RGS5: variants seen among roughly 807,000 people sequenced by gnomAD.
RGS5 encodes the protein regulator of G-protein signalling 5.
In RGS5, 20 loss-of-function variants were observed where a neutral mutation model predicts 18.9. The observed-to-expected ratio is 1.06, with a 90% CI of 0.74 to 1.54. RGS5 has a LOEUF of 1.54. Among genes scored for constraint, RGS5 ranks in the 40% most tolerant of loss-of-function variants. The pLI is 0.00. For missense variants in RGS5, 201 were observed against 211.8 expected, an observed-to-expected ratio of 0.95 and a Z score of 0.32; for synonymous variants, 57 against 76.2, an observed-to-expected ratio of 0.75 and a Z score of 1.31.
At chr1:163,233,514 A>G (rs1647537064) in intron 2 of RGS5, among the ~76,000 whole-genome samples, 1 of 152,232 alleles carries the variant, frequency 6.6e-6, no homozygotes, top group Non-Finnish European at 1.5e-5. Flanking sequence ...ACTTAAATCA[A>G]TAATCAGTGT....
At chr1:163,191,012 T>G (rs1256234083) in intron 1 of RGS5, among the ~76,000 whole-genome samples, 1 of 152,178 alleles carries the variant, frequency 6.6e-6, no homozygotes, top group Non-Finnish European at 1.5e-5. Context: ...TATCCCTGTG[T>G]GCTCTCCTGT....
chr1:163,231,452 CAGG>C (rs979116156), intron 2 of RGS5, among the ~76,000 whole-genome samples: 2 of 152,218 alleles, frequency 1.3e-5, no homozygotes, highest in Admixed American at 1.3e-4. Flanking sequence ...AGGAGTAACC[CAGG>C]AGAACCTTAG....
chr1:163,297,648 C>T (rs1250155956), intron 2 of RGS5, among the ~76,000 whole-genome samples: 1 of 152,128 alleles, frequency 6.6e-6, no homozygotes, highest in Non-Finnish European at 1.5e-5. Context: ...ACTCATTTCT[C>T]TGTATCTTCT....
chr1:163,211,041 A>T (rs1029112922), intron 1 of RGS5: 2 of 152,228 alleles, frequency 1.3e-5, no homozygotes, highest in South Asian at 2.1e-4. Context: ...CCAAGAGTAA[A>T]CAGGAGTGAA....
intron 2 of RGS5, among the ~76,000 whole-genome samples, chr1:163,163,242 GT>G (rs780965408): frequency 1.3e-5 from 2 of 152,140 alleles, no homozygotes; most frequent in South Asian, 2.1e-4. Context: ...ACATGCATCG[GT>G]TGTGAGTCCT....
chr1:163,301,624 C>T (rs1004017439), intron 2 of RGS5, among the ~76,000 whole-genome samples: 5 of 152,122 alleles, frequency 3.3e-5, no homozygotes, highest in Non-Finnish European at 5.9e-5. Context: ...TGAGACACCA[C>T]GCCAGGCCCA....
At chr1:163,237,545 C>T (rs902168844) in intron 2 of RGS5, among the ~76,000 whole-genome samples, 1 of 152,046 alleles carries the variant, frequency 6.6e-6, no homozygotes, top group Non-Finnish European at 1.5e-5. Context: ...ATTAACCAGG[C>T]ACGGTGGCGT....
At chr1:163,285,998 G>GCACACACA (rs10683583) in intron 2 of RGS5, among the ~76,000 whole-genome samples, 6 of 135,030 alleles carry the variant, frequency 4.4e-5, no homozygotes, top group African/African-American at 1.4e-4. Context: ...TTTAATTTAT[G>GCACACACA]CACACACACA....
At chr1:163,162,041 CA>C (rs772063807) in intron 2 of RGS5, 65 bp from the exon 3 acceptor site, 17 of 1,039,664 alleles carry the variant, frequency 1.6e-5, no homozygotes, top group Admixed American at 5.1e-5. Context: ...CATGTACCAG[CA>C]ATAACTACTT....
At chr1:163,314,561 AAC>A (rs1264557106) in intron 1 of RGS5, among the ~76,000 whole-genome samples, 1 of 144,430 alleles carries the variant, frequency 6.9e-6, no homozygotes. Context: ...CAACAACAAC[AAC>A]AAAAAAAACC....
intron 1 of RGS5, among the ~76,000 whole-genome samples, chr1:163,180,937 T>TCC (rs924924571): frequency 6.6e-6 from 1 of 151,872 alleles, no homozygotes; most frequent in African/African-American, 2.4e-5. Flanking sequence ...CTCGTGATCC[T>TCC]CCCGCCTCCG....
At chr1:163,299,508 T>A (rs1649503015) in intron 2 of RGS5, among the ~76,000 whole-genome samples, 1 of 152,204 alleles carries the variant, frequency 6.6e-6, no homozygotes, top group Non-Finnish European at 1.5e-5. Context: ...AATGTCTGAA[T>A]CTGAGCTGCC....
chr1:163,274,066 C>T (rs1648788229), intron 2 of RGS5, among the ~76,000 whole-genome samples: 1 of 152,280 alleles, frequency 6.6e-6, no homozygotes. Context: ...AATAAAAATA[C>T]ATTTGGTCTT....
At chr1:163,180,375 C>T (rs1658760942) in intron 1 of RGS5, among the ~76,000 whole-genome samples, 1 of 152,162 alleles carries the variant, frequency 6.6e-6, no homozygotes, top group African/African-American at 2.4e-5. Context: ...CCATTTTCCT[C>T]TTCCTATTGC....
chr1:163,220,687 C>T (rs1571300954), upstream of RGS5, among the ~76,000 whole-genome samples: 1 of 152,188 alleles, frequency 6.6e-6, no homozygotes, highest in South Asian at 2.1e-4. Context: ...AACATGTCAC[C>T]TTTTATGGTA....
chr1:163,257,107 C>T (rs768449276), intron 2 of RGS5, among the ~76,000 whole-genome samples: 1 of 152,102 alleles, frequency 6.6e-6, no homozygotes, highest in Non-Finnish European at 1.5e-5. Flanking sequence ...AGACAGCATC[C>T]TTTTCATCAA....
chr1:163,307,848 T>C (rs1398465853), intron 1 of RGS5, among the ~76,000 whole-genome samples: 2 of 152,206 alleles, frequency 1.3e-5, no homozygotes, highest in Non-Finnish European at 2.9e-5. Context: ...AGCAGCCTTA[T>C]TAGTAACCAT....
intron 1 of RGS5, among the ~76,000 whole-genome samples, chr1:163,216,855 T>A (rs1046145539): frequency 6.6e-6 from 1 of 152,166 alleles, no homozygotes; most frequent in Non-Finnish European, 1.5e-5. Context: ...GAAATAAATT[T>A]TGATTCACAG....
intron 2 of RGS5, among the ~76,000 whole-genome samples, chr1:163,269,489 AAG>A (rs1648659430): frequency 6.6e-6 from 1 of 152,180 alleles, no homozygotes; most frequent in South Asian, 2.1e-4. Context: ...GGGACAATCA[AAG>A]AAAGTTCTAT....
Sources: allele counts gnomAD v4.1 joint callset (sites outside exome capture counted in the v4.1 genomes callset), GRCh38; gene constraint gnomAD v4.1.1; transcripts MANE v1.5; gene names NCBI Gene and HGNC (gene_info 2026-07-23, HGNC 2026-07-21).